Variants in IL1RAP observed in about 807,000 individuals in gnomAD.
The protein encoded by IL1RAP is interleukin-1 receptor accessory protein.
A neutral mutation model predicts 60.7 loss-of-function variants in IL1RAP; 35 were observed. That is an observed-to-expected ratio of 0.58 (90% confidence interval 0.44 to 0.76). The LOEUF (loss-of-function observed/expected upper bound fraction) is 0.76. IL1RAP is among the 30% of genes least tolerant of loss of function. The pLI is 0.00. For synonymous variants in IL1RAP, 268 were observed against 250.9 expected, an observed-to-expected ratio of 1.07 and a Z score of -0.64; for missense variants, 572 against 693.9, an observed-to-expected ratio of 0.82 and a Z score of 1.97.
chr3:190,562,694 CCACACA>C (rs56393536), intron 2 of IL1RAP, among the ~76,000 whole-genome samples: 3,099 of 146,590 alleles, frequency 0.021, 70 homozygotes, highest in African/African-American at 0.052. Flanking sequence ...CATATCTCGT[CCACACA>C]CACACACACA....
chr3:190,629,965 G>A (rs530448408), intron 9 of IL1RAP: 272 of 881,000 alleles, frequency 3.1e-4, no homozygotes, highest in Non-Finnish European at 3.7e-4. Flanking sequence ...AACAGAAAGG[G>A]AATTATATAC....
At chr3:190,637,917 A>C (rs560385966) in intron 9 of IL1RAP, among the ~76,000 whole-genome samples, 1 of 152,066 alleles carries the variant, frequency 6.6e-6, no homozygotes, top group Admixed American at 6.5e-5. Context: ...CACTCAGCAA[A>C]TGTTCTTGAT....
intron 1 of IL1RAP, chr3:190,520,680 A>G (rs1721942879): frequency 6.6e-6 from 1 of 152,136 alleles, no homozygotes; most frequent in South Asian, 2.1e-4. Flanking sequence ...CATCACTTCA[A>G]CTATTATTTT....
chr3:190,543,387 A>G (rs987061846), intron 1 of IL1RAP, among the ~76,000 whole-genome samples: 9 of 152,198 alleles, frequency 5.9e-5, no homozygotes, highest in Admixed American at 3.9e-4. Context: ...CCAGGCTTCA[A>G]TGCTAGACCC....
intron 3 of IL1RAP, among the ~76,000 whole-genome samples, chr3:190,568,178 A>G (rs1396299352): frequency 1.3e-5 from 2 of 152,220 alleles, no homozygotes; most frequent in Non-Finnish European, 1.5e-5. Flanking sequence ...TTCAAAGTCA[A>G]CAGTTGACTG....
intron 10 of IL1RAP, 131 bp from the exon 11 acceptor site, chr3:190,645,568 G>C (rs1472761159): frequency 1.5e-6 from 1 of 683,468 alleles, no homozygotes; most frequent in Non-Finnish European, 2.5e-6. Context: ...GAGACTTGTT[G>C]CAAGTAGAAA....
Position 190,651,159 on chromosome 3 carries a change from T to C in IL1RAP, c.*2454T>C. On this transcript the variant is annotated 3_prime_UTR_variant, in exon 12 of 12. Coordinates refer to ENST00000447382, the MANE Select transcript of IL1RAP (RefSeq NM_002182.4). Reference sequence around the variant, plus strand: ...ATTTAGAGAACAAGAACAAACCATGTCTCAAATTTTTTTAAAAAAAATTAA... The same window carrying C: ...ATTTAGAGAACAAGAACAAACCATGCCTCAAATTTTTTTAAAAAAAATTAA... 4.1e-6 allele frequency: 4 copies of C among 982,286 alleles called. No individual in the cohort carries two copies. Among genetic ancestry groups the C allele is most frequent in the Non-Finnish European group, 3.6e-6 (3 of 827,990 alleles). The allele number at this position is 982,286 out of a possible 1,614,324, so 60.8% of individuals were successfully genotyped here. A position where few individuals can be genotyped will look rare whatever the true frequency, so the allele number is the denominator to read the frequency against.
At chr3:190,621,513 A>T (rs1034362612) in intron 6 of IL1RAP, among the ~76,000 whole-genome samples, 2 of 152,218 alleles carry the variant, frequency 1.3e-5, no homozygotes, top group Non-Finnish European at 2.9e-5. Flanking sequence ...ATATGTGCTT[A>T]AAAGTATGCA....
At chr3:190,578,627 T>A (rs980082672) in intron 3 of IL1RAP, among the ~76,000 whole-genome samples, 3 of 152,228 alleles carry the variant, frequency 2.0e-5, no homozygotes, top group Non-Finnish European at 4.4e-5. Flanking sequence ...CTTTCCTCCA[T>A]CAGTCTACTA....
Position 190,627,443 on chromosome 3 carries a change from A to G in IL1RAP, c.896A>G (p.Asn299Ser). The change falls in exon 8 of 12, where the codon AAC (asparagine) becomes AGC (serine). Residue 299 changes from asparagine (N) to serine (S), a missense_variant. Physicochemically the swap from Asn to Ser is conservative, Grantham distance 46. Transcript: ENST00000447382. ...PDDITIDVTI[N>S]ESISHSRTED... Reference sequence around the variant, plus strand: ...GACATCACTATTGATGTCACCATTAACGAAAGGTATCATGGGGGCCAGCAA... The same window carrying G: ...GACATCACTATTGATGTCACCATTAGCGAAAGGTATCATGGGGGCCAGCAA... 6.2e-7 allele frequency: 1 copy of G among 1,610,378 alleles called. No homozygotes were observed. Among genetic ancestry groups the G allele is most frequent in the Non-Finnish European group, 8.5e-7 (1 of 1,178,672 alleles).
At position 190,650,567 on chromosome 3, in the gene IL1RAP, A is replaced by C. The variant is rs574230250; in HGVS notation, c.*1862A>C. The C allele has an allele frequency of 1.1e-6, 1 of 918,936 alleles. No homozygotes were observed. The highest frequency in any genetic ancestry group is 1.2e-4 in the East Asian group (1 of 8,508). The allele number at this position is 918,936 out of a possible 1,614,324, so 56.9% of individuals were successfully genotyped here. Reference sequence around the variant, plus strand: ...CCTTATCCCGGTAACATGAATGTTGATGAACAAATGTAAAATTATATCCTA... The same window carrying C: ...CCTTATCCCGGTAACATGAATGTTGCTGAACAAATGTAAAATTATATCCTA... On this transcript the variant is annotated 3_prime_UTR_variant, in exon 12 of 12. Coordinates refer to ENST00000447382, the MANE Select transcript of IL1RAP (RefSeq NM_002182.4).
intron 1 of IL1RAP, among the ~76,000 whole-genome samples, chr3:190,516,952 T>A (rs1382433193): frequency 6.6e-6 from 1 of 152,236 alleles, no homozygotes; most frequent in Non-Finnish European, 1.5e-5. Context: ...CCTTTTCATG[T>A]CTAGTTTAGG....
rs764604242 is a variant in IL1RAP at position 190,627,291 on chromosome 3, GT to G, written c.776-24del. 1.2e-5 allele frequency: 17 copies of G among 1,456,838 alleles called. 1 individual carries two copies. Among genetic ancestry groups the G allele is most frequent in the African/African-American group, 1.0e-4 (5 of 49,814 alleles). The allele number at this position is 1,456,838 out of a possible 1,614,324, so 90.2% of individuals were successfully genotyped here. A position where few individuals can be genotyped will look rare whatever the true frequency, so the allele number is the denominator to read the frequency against. ...TTTGTTTTGTTTTGTTTTGTTTTTT[GT>G]TTTTTTTGTTTTTTTGGTTTTTTTT... On this transcript the variant is annotated intron_variant, in intron 7 of 11. Transcript: ENST00000447382.
At chr3:190,566,035 G>T (rs1230244397) in intron 3 of IL1RAP, among the ~76,000 whole-genome samples, 3 of 149,254 alleles carry the variant, frequency 2.0e-5, no homozygotes, top group African/African-American at 5.0e-5. Flanking sequence ...TGAACTCCCT[G>T]TCCTTCCTCC....
chr3:190,627,556 A>C lies in IL1RAP; in HGVS notation c.902+107A>C, dbSNP rs895634108. The C allele has an allele frequency of 8.1e-6, 11 of 1,357,880 alleles. No individual in the cohort carries two copies. In the Admixed American group the frequency reaches 3.0e-4, roughly 38 times the overall value. 84.1% of individuals were successfully genotyped at this position (1,357,880 alleles called of 1,614,324 possible). On this transcript the variant is annotated intron_variant, in intron 8 of 11. Transcript: ENST00000447382. ...ATAAAAATTCTCATTTTTCCCTATCACTAACAAAAATCGGCAAGATTTTCA... is the reference window on the plus strand; with the variant it reads ...ATAAAAATTCTCATTTTTCCCTATCCCTAACAAAAATCGGCAAGATTTTCA...
chr3:190,623,712 T>C (rs1240961881), intron 7 of IL1RAP, among the ~76,000 whole-genome samples: 2 of 152,210 alleles, frequency 1.3e-5, no homozygotes, highest in Non-Finnish European at 2.9e-5. Flanking sequence ...AGGGCTTTGG[T>C]TTGCCAAGGC....
At chr3:190,602,122 C>G (rs892874817) in intron 3 of IL1RAP, among the ~76,000 whole-genome samples, 1 of 152,028 alleles carries the variant, frequency 6.6e-6, no homozygotes, top group Non-Finnish European at 1.5e-5. Context: ...TTTTTGCTGA[C>G]TCTGTATTCC....
Position 190,622,094 on chromosome 3 carries a change from A to G in IL1RAP, c.704-1250A>G, listed in dbSNP as rs1279048554. Among the ~76,000 whole-genome samples the G allele has an allele frequency of 3.9e-5, 6 of 152,196 alleles. No individual in the cohort carries two copies. In the South Asian group the frequency reaches 1.0e-3, roughly 26 times the overall value. On this transcript the variant is annotated intron_variant, in intron 6 of 11. Transcript: ENST00000447382. The stretch of plus-strand genomic sequence containing the variant: ...TGTAATACTTATTTAACCAGCTTCC[A>G]TACTAGACACTTTCGGTAATGTTGT...
rs183923193 is a variant in IL1RAP, at chr3:190,639,648, T to C, written c.1052-4600T>C. Among the ~76,000 whole-genome samples the C allele has an allele frequency of 3.9e-5, 6 of 152,352 alleles. No individual in the cohort carries two copies. In the East Asian group the frequency reaches 1.2e-3, roughly 29 times the overall value. On this transcript the variant is annotated intron_variant, in intron 9 of 11. Coordinates refer to ENST00000447382, the MANE Select transcript of IL1RAP (RefSeq NM_002182.4). ...TTAGCTAATATAGACTTTTTTGCTT[T>C]TTTATATAGCTTTTTAAAAATTATA...
Sources: gnomAD v4.1 joint callset for allele counts (sites outside exome capture counted in the v4.1 genomes callset) on GRCh38, gnomAD v4.1.1 for gene constraint, MANE v1.5 for transcripts, NCBI Gene and HGNC (gene_info 2026-07-23, HGNC 2026-07-21) for gene names.